Variants in ZNF559 observed in about 807,000 individuals in gnomAD.
The protein encoded by ZNF559 is zinc finger protein 559.
ZNF559 carries 17 observed loss-of-function variants against 14.2 expected under a neutral mutation model. That is an observed-to-expected ratio of 1.20 (90% CI 0.82 to 1.80). The LOEUF is 1.80. ZNF559 is among the 40% of genes most tolerant of loss of function. The pLI, the probability that ZNF559 is intolerant of heterozygous loss-of-function variation, is 0.00. For synonymous variants in ZNF559, 244 were observed against 212.4 expected (o/e 1.15, Z -1.29); for missense variants, 740 against 629.7 (o/e 1.18, Z -1.88).
At chr19:9,328,925 A>G (rs533411174) in intron 2 of ZNF559, among the ~76,000 whole-genome samples, 5 of 152,156 alleles carry the variant, frequency 3.3e-5, no homozygotes, top group Non-Finnish European at 4.4e-5. Flanking sequence ...AGTCTTTCTG[A>G]TATTTCTTAC....
chr19:9,343,869 C>T lies in ZNF559; in HGVS notation c.*801C>T. The T allele has an allele frequency of 1.1e-6, 1 of 925,824 alleles. No homozygotes were observed. Among genetic ancestry groups the T allele is most frequent in the Non-Finnish European group, 1.3e-6 (1 of 775,736 alleles). 57.4% of individuals were successfully genotyped at this position (925,824 alleles called of 1,614,324 possible). A position where few individuals can be genotyped will look rare whatever the true frequency, so the allele number is the denominator to read the frequency against. On this transcript the variant is annotated 3_prime_UTR_variant, in exon 7 of 7. Transcript: ENST00000603380. ...AAGATCCTGAGTTATCTCAATTGTT[C>T]ACGGTTACAGATGGAACTCTTTATT...
Position 9,342,573 on chromosome 19 carries a change from TCA to T in ZNF559, c.1126_1127del (p.Thr376TrpfsTer2), listed in dbSNP as rs749657958. 7.4e-6 allele frequency: 12 copies of T among 1,613,940 alleles called. No individual in the cohort carries two copies. The highest frequency in any genetic ancestry group is 1.7e-4 in the Middle Eastern group (1 of 6,058). On this transcript the variant is annotated frameshift_variant, in exon 7 of 7. Coordinates refer to ENST00000603380, the MANE Select transcript of ZNF559 (RefSeq NM_032497.3). LOFTEE classifies it low-confidence loss of function (END_TRUNC). The stretch of plus-strand genomic sequence containing the variant: ...CACATCTTACTGTACATATGAGAAC[TCA>T]CACTGGTGAGAAGCCTTATCAATGT... ...SSHLTVHMRT[H>X]TGEKPYQCKE...
chr19:9,332,073 T>C (rs2066963466), intron 2 of ZNF559, among the ~76,000 whole-genome samples: 1 of 152,212 alleles, frequency 6.6e-6, no homozygotes, highest in Non-Finnish European at 1.5e-5. Flanking sequence ...CAGTCGTTTT[T>C]GTTACCTTAA....
chr19:9,341,926 C>T lies in ZNF559; in HGVS notation c.475C>T (p.His159Tyr), dbSNP rs2067604888. The T allele has an allele frequency of 5.0e-6, 8 of 1,613,502 alleles. No homozygotes were observed. The highest frequency in any genetic ancestry group is 6.8e-6 in the Non-Finnish European group (8 of 1,179,898). The part of the protein sequence containing the change: ...CNQCETAFSQ[H>Y]LHLVCKKTSQ... ...TCAATGTGAAACAGCCTTCAGCCAA[C>T]ATCTACATCTTGTTTGCAAGAAAAC... The change falls in exon 7 of 7, where the codon CAT (histidine) becomes TAT (tyrosine). Residue 159 changes from histidine (H) to tyrosine (Y), a missense_variant. Coordinates refer to ENST00000603380, the MANE Select transcript of ZNF559 (RefSeq NM_032497.3).
rs569099348 is a variant in ZNF559, at chr19:9,335,840, A to T, written c.-119-1956A>T. On this transcript the variant is annotated intron_variant, in intron 2 of 6. Coordinates refer to ENST00000603380, the MANE Select transcript of ZNF559 (RefSeq NM_032497.3). ...ATGAGTCACACCCCAAATATTTTCT[A>T]CCCTCTGCTAGGACCTATGAATATT... Among the ~76,000 whole-genome samples, 22 of 152,174 alleles carry T rather than the reference A, an allele frequency of 1.4e-4. 1 individual carries two copies. The highest frequency in any genetic ancestry group is 1.4e-3 in the Admixed American group (21 of 15,292).
Position 9,343,786 on chromosome 19 carries a change from T to C in ZNF559, c.*718T>C, listed in dbSNP as rs2067673085. On this transcript the variant is annotated 3_prime_UTR_variant, in exon 7 of 7. Coordinates refer to ENST00000603380, the MANE Select transcript of ZNF559 (RefSeq NM_032497.3). ...GAATGCCATATCAGAATGCTTTTGG[T>C]AAATATACATGTTTTAAAGAGGTTA... 1.0e-6 allele frequency: 1 copy of C among 985,492 alleles called. No homozygotes were observed. The highest frequency in any genetic ancestry group is 6.1e-5 in the Admixed American group (1 of 16,284). 61.0% of individuals were successfully genotyped at this position (985,492 alleles called of 1,614,324 possible).
rs183414634 is a variant in ZNF559 at position 9,342,350 on chromosome 19, A to G, written c.899A>G (p.Asn300Ser). The G allele has an allele frequency of 6.2e-7, 1 of 1,607,340 alleles. No homozygotes were observed. Among genetic ancestry groups the G allele is most frequent in the South Asian group, 1.1e-5 (1 of 90,046 alleles). ...ACTAGAGGAAAACACTATGTTTGTA[A>G]TGAATGTGGCAAAGAATTTACTTGT... Reference protein sequence around the residue: ...LRTRGKHYVCNECGKEFTCFS... With the variant: ...LRTRGKHYVCSECGKEFTCFS... The change falls in exon 7 of 7, where the codon AAT becomes AGT. Residue 300 changes from asparagine to serine, a missense_variant. Physicochemically the swap from Asn to Ser is conservative, Grantham distance 46. Transcript: ENST00000603380.
chr19:9,342,142 C>T lies in ZNF559; in HGVS notation c.691C>T (p.His231Tyr), dbSNP rs763030821. The stretch of plus-strand genomic sequence containing the variant: ...TTCTCATTCTACAGCCCTTTTTGTA[C>T]ACATGCAAACTCAAGATGGAGAAAA... ...TFSHSTALFV[H>Y]MQTQDGEKFY... The change falls in exon 7 of 7, where the codon CAC becomes TAC. Residue 231 changes from histidine (H) to tyrosine (Y), a missense_variant. Transcript: ENST00000603380. 1.1e-5 allele frequency: 18 copies of T among 1,613,148 alleles called. No individual in the cohort carries two copies. The African/African-American group carries it at 2.3e-4, about 20-fold the overall frequency.
chr19:9,331,640 A>G (rs1329414030), intron 2 of ZNF559, among the ~76,000 whole-genome samples: 1 of 152,188 alleles, frequency 6.6e-6, no homozygotes, highest in African/African-American at 2.4e-5. Context: ...AGAAGGGCTG[A>G]TGAGGGTAAG....
rs1489322573 is a variant in ZNF559 at position 9,345,595 on chromosome 19, T to A, written c.*2527T>A. The A allele has an allele frequency of 6.6e-6, 1 of 152,108 alleles. No homozygotes were observed. Among genetic ancestry groups the A allele is most frequent in the Non-Finnish European group, 1.5e-5 (1 of 68,008 alleles). 9.4% of individuals were successfully genotyped at this position (152,108 alleles called of 1,614,324 possible). On this transcript the variant is annotated 3_prime_UTR_variant, in exon 7 of 7. Coordinates refer to ENST00000603380, the MANE Select transcript of ZNF559 (RefSeq NM_032497.3). The stretch of plus-strand genomic sequence containing the variant: ...TGCTTACTGGCCTTCTTTAAGCCTT[T>A]GGGGAAGAGTCTGTTCAAATCTTTT...
chr19:9,324,817 C>T, intron 2 of ZNF559, 37 bp downstream of exon 2: 1 of 1,514,974 alleles, frequency 6.6e-7, no homozygotes, highest in Non-Finnish European at 8.9e-7. Context: ...CTGTGGGTGT[C>T]GGGTCTTGAA....
Position 9,339,204 on chromosome 19 carries a change from C to T in ZNF559, c.45C>T (p.Thr15=). The change falls in exon 5 of 7, where the codon ACC becomes ACT. Residue 15 remains threonine, a synonymous_variant. Coordinates refer to ENST00000603380, the MANE Select transcript of ZNF559 (RefSeq NM_032497.3). ...WLTNYSQDSV[T]FEDVAVDFTQ... ...GTGTGATGGTTTAGGACTCAGTGAC[C>T]TTTGAGGATGTGGCTGTGGACTTCA... 6.2e-7 allele frequency: 1 copy of T among 1,613,842 alleles called. No individual in the cohort carries two copies. The highest frequency in any genetic ancestry group is 8.5e-7 in the Non-Finnish European group (1 of 1,179,856).
chr19:9,336,027 G>A lies in ZNF559; in HGVS notation c.-119-1769G>A, dbSNP rs910509227. Among the ~76,000 whole-genome samples the A allele has an allele frequency of 4.6e-5, 7 of 152,298 alleles. 1 individual carries two copies. The South Asian group carries it at 1.0e-3, about 23-fold the overall frequency. ...AGCAAAGTAAAGAAATTACTTAATT[G>A]GCTTAGCCTTAGCAGTATTCTGAGT... On this transcript the variant is annotated intron_variant, in intron 2 of 6. Transcript: ENST00000603380.
chr19:9,344,670 C>T lies in ZNF559; in HGVS notation c.*1602C>T, dbSNP rs1441040439. ...TCTCAAAAAAAAAAGAAAATTGACGCCAGCAAAGAAAACCAAATAAATTAT... is the reference window on the plus strand; with the variant it reads ...TCTCAAAAAAAAAAGAAAATTGACGTCAGCAAAGAAAACCAAATAAATTAT... On this transcript the variant is annotated 3_prime_UTR_variant, in exon 7 of 7. Transcript: ENST00000603380. 6.6e-6 allele frequency: 1 copy of T among 151,922 alleles called. No individual in the cohort carries two copies. Among genetic ancestry groups the T allele is most frequent in the Admixed American group, 6.6e-5 (1 of 15,234 alleles). 9.4% of individuals were successfully genotyped at this position (151,922 alleles called of 1,614,324 possible).
intron 2 of ZNF559, among the ~76,000 whole-genome samples, chr19:9,331,666 A>G (rs189232217): frequency 6.6e-6 from 1 of 152,294 alleles, no homozygotes; most frequent in East Asian, 1.9e-4. Context: ...AATTGTTCTT[A>G]CTGGTATAAA....
intron 2 of ZNF559, among the ~76,000 whole-genome samples, chr19:9,334,785 A>G (rs990334152): frequency 2.5e-4 from 38 of 152,172 alleles, no homozygotes; most frequent in African/African-American, 8.9e-4. Flanking sequence ...ATTTAATGGG[A>G]AAAAAAGTAA....
intron 2 of ZNF559, chr19:9,332,993 A>G (rs2145128116): frequency 6.6e-6 from 1 of 152,334 alleles, no homozygotes; most frequent in East Asian, 1.9e-4. Context: ...TTTTTGAGAC[A>G]AGGTCTTACT....
At position 9,324,618 on chromosome 19, in the gene ZNF559, A is replaced by ACCCC. The variant is rs35401044; in HGVS notation, c.-205-69_-205-66dup. The ACCCC allele has an allele frequency of 4.4e-5, 31 of 711,484 alleles. No homozygotes were observed. In the African/African-American group the frequency reaches 9.1e-4, roughly 21 times the overall value. 44.1% of individuals were successfully genotyped at this position (711,484 alleles called of 1,614,324 possible). A position where few individuals can be genotyped will look rare whatever the true frequency, so the allele number is the denominator to read the frequency against. ...AGACCAGGCAGGGCAACATAGGGAGACCCCCCCCCCCAACCATCTCTAATG... is the reference window on the plus strand; with the variant it reads ...AGACCAGGCAGGGCAACATAGGGAGACCCCCCCCCCCCCCCAACCATCTCTAATG... On this transcript the variant is annotated intron_variant, in intron 1 of 6. Coordinates refer to ENST00000603380, the MANE Select transcript of ZNF559 (RefSeq NM_032497.3).
rs540189344 is a variant in ZNF559 at position 9,330,502 on chromosome 19, A to G, written c.-120+5722A>G. On this transcript the variant is annotated intron_variant, in intron 2 of 6. Coordinates refer to ENST00000603380, the MANE Select transcript of ZNF559 (RefSeq NM_032497.3). ...CTTTAGGCTTTCTTCACTCTTTTTCATTGTTTTTTCTTTTTGTTCCTCTGA... is the reference window on the plus strand; with the variant it reads ...CTTTAGGCTTTCTTCACTCTTTTTCGTTGTTTTTTCTTTTTGTTCCTCTGA... Among the ~76,000 whole-genome samples the G allele has an allele frequency of 4.0e-5, 6 of 151,398 alleles. No individual in the cohort carries two copies. The South Asian group carries it at 1.2e-3, about 32-fold the overall frequency.
Sources: allele counts gnomAD v4.1 joint callset (sites outside exome capture counted in the v4.1 genomes callset), GRCh38; gene constraint gnomAD v4.1.1; transcripts MANE v1.5; gene names NCBI Gene and HGNC (gene_info 2026-07-23, HGNC 2026-07-21).